The following ZNRF3 variants were observed in gnomAD, a reference collection of about 807,000 sequenced individuals.
The protein encoded by ZNRF3 is zinc and ring finger 3.
A neutral mutation model predicts 72.5 loss-of-function variants in ZNRF3; 23 were observed. That is an observed-to-expected ratio of 0.32 (90% CI 0.23 to 0.45). The LOEUF (loss-of-function observed/expected upper bound fraction) is 0.45, where lower values mean the gene tolerates loss of function less well. Ranked by LOEUF, ZNRF3 falls within the 20% of genes least tolerant of loss-of-function variation. The pLI is 1.00. For missense variants in ZNRF3, 1,169 were observed against 1,272.1 expected, an observed-to-expected ratio of 0.92 and a Z score of 1.23; for synonymous variants, 610 against 545.3, an observed-to-expected ratio of 1.12 and a Z score of -1.65.
chr22:29,021,776 C>T (rs771532455), intron 2 of ZNRF3, among the ~76,000 whole-genome samples: 1 of 152,174 alleles, frequency 6.6e-6, no homozygotes, highest in Non-Finnish European at 1.5e-5. Context: ...GCGTAAGCCA[C>T]CGTGCCCGGC....
Position 28,883,693 on chromosome 22 carries a change from C to T in ZNRF3, c.-74C>T, listed in dbSNP as rs910072516. Reference sequence around the variant, plus strand: ...CGTGATGGGGCTGTGAGGCGTCCGCCCGCGTTCGGTCCTCAGCCGGCCCGC... The same window carrying T: ...CGTGATGGGGCTGTGAGGCGTCCGCTCGCGTTCGGTCCTCAGCCGGCCCGC... On this transcript the variant is annotated 5_prime_UTR_variant, in exon 1 of 9. Coordinates refer to ENST00000544604, the MANE Select transcript of ZNRF3 (RefSeq NM_001206998.2). This position sits in a 1 kb window ranked among gnomAD's most constrained non-coding sequence, Gnocchi z 5.5. 2 of 982,626 alleles carry T rather than the reference C, an allele frequency of 2.0e-6. No homozygotes were observed. The highest frequency in any genetic ancestry group is 1.1e-4 in the East Asian group (1 of 8,736). 60.9% of individuals were successfully genotyped at this position (982,626 alleles called of 1,614,324 possible).
intron 2 of ZNRF3, among the ~76,000 whole-genome samples, chr22:29,001,690 C>G (rs1002534967): frequency 3.9e-5 from 6 of 152,068 alleles, no homozygotes; most frequent in Non-Finnish European, 7.4e-5. Context: ...CCAGGCTGGT[C>G]TCGAACTCCT....
chr22:28,903,904 A>G (rs1259764283), intron 1 of ZNRF3, among the ~76,000 whole-genome samples: 1 of 152,144 alleles, frequency 6.6e-6, no homozygotes, highest in Non-Finnish European at 1.5e-5. Context: ...AGTGTGTCTG[A>G]GAGGCTCAGC....
chr22:28,915,522 C>T (rs1411635849), intron 1 of ZNRF3, among the ~76,000 whole-genome samples: 2 of 152,176 alleles, frequency 1.3e-5, no homozygotes, highest in Non-Finnish European at 2.9e-5. Flanking sequence ...CTCCAGATTT[C>T]TGAAGGTGAT....
intron 1 of ZNRF3, among the ~76,000 whole-genome samples, chr22:28,949,459 T>A (rs2035116232): frequency 6.6e-6 from 1 of 152,042 alleles, no homozygotes. Context: ...ATTTTTTTTT[T>A]ATACTGATGG....
chr22:28,908,244 T>A (rs59677997), intron 1 of ZNRF3, among the ~76,000 whole-genome samples: 2,545 of 152,160 alleles, frequency 0.017, 73 homozygotes, highest in African/African-American at 0.059. Flanking sequence ...CTCCATAAGG[T>A]GATTGAGAAT....
At position 29,044,822 on chromosome 22, in the gene ZNRF3, T is replaced by G. The variant is rs1422740202; in HGVS notation, c.676T>G (p.Phe226Val). 6.2e-7 allele frequency: 1 copy of G among 1,614,062 alleles called. No homozygotes were observed. Among genetic ancestry groups the G allele is most frequent in the Non-Finnish European group, 8.5e-7 (1 of 1,180,036 alleles). ...YFDMGIFLAF[F>V]VVVSLVCLIL... is the part of the protein sequence containing the mutation. Reference sequence around the variant, plus strand: ...TGACATGGGGATTTTCCTGGCTTTCTTCGTCGTGGTCTCCTTGGTCTGCCT... The same window carrying G: ...TGACATGGGGATTTTCCTGGCTTTCGTCGTCGTGGTCTCCTTGGTCTGCCT... Residue 226 changes from phenylalanine to valine, a missense_variant, in exon 5 of 9, where the codon TTC becomes GTC. Physicochemically the swap from Phe to Val is conservative, Grantham distance 50. This residue lies in a region of ZNRF3 where 386 missense variants were observed against 540.7 expected (regional missense o/e 0.71). Transcript: ENST00000544604.
chr22:28,983,598 C>A (rs2035804632), intron 1 of ZNRF3, among the ~76,000 whole-genome samples: 1 of 152,200 alleles, frequency 6.6e-6, no homozygotes. Flanking sequence ...CTCGACTGTC[C>A]CTCCATTTCT....
intron 6 of ZNRF3, among the ~76,000 whole-genome samples, chr22:29,047,293 C>T (rs769640653): frequency 2.0e-5 from 3 of 152,152 alleles, no homozygotes; most frequent in Non-Finnish European, 2.9e-5. Flanking sequence ...AAGACTAGTA[C>T]CATAGACGAT....
At chr22:28,917,505 A>C (rs2034430211) in intron 1 of ZNRF3, 3 of 950,530 alleles carry the variant, frequency 3.2e-6, no homozygotes, top group East Asian at 2.3e-4. Flanking sequence ...GTTAAATCTA[A>C]ATTTGGGTAA....
chr22:29,049,158 C>T lies in ZNRF3; in HGVS notation c.1016-39C>T. On this transcript the variant is annotated intron_variant, in intron 7 of 8. Transcript: ENST00000544604. The surrounding 1 kb of genome is among the most constrained non-coding windows in gnomAD (Gnocchi z 5.2). The stretch of plus-strand genomic sequence containing the variant: ...CCCTTTAGCCTCTGACACCAGTATG[C>T]TCAGCCCTGCCTACTCTGTTTCCTC... 1 of 1,546,564 alleles carries T rather than the reference C, an allele frequency of 6.5e-7. No individual in the cohort carries two copies. The highest frequency in any genetic ancestry group is 8.7e-7 in the Non-Finnish European group (1 of 1,144,584).
At chr22:28,971,747 T>G in intron 1 of ZNRF3, among the ~76,000 whole-genome samples, 1 of 152,122 alleles carries the variant, frequency 6.6e-6, no homozygotes, top group Admixed American at 6.5e-5. Flanking sequence ...TGTCTGTCAT[T>G]CAGGCTGGAG....
rs181144289 is a variant in ZNRF3 at position 28,932,429 on chromosome 22, G to A, written c.300+48363G>A. On this transcript the variant is annotated intron_variant, in intron 1 of 8. Coordinates refer to ENST00000544604, the MANE Select transcript of ZNRF3 (RefSeq NM_001206998.2). ...CTTTTCCTGGTGCCTGCTGCCTTTG[G>A]AGTGAGTGCAAAATGTCCATTTTGC... 3.9e-5 allele frequency among the ~76,000 whole-genome samples: 6 copies of A among 152,292 alleles called. No individual in the cohort carries two copies. The East Asian group carries it at 1.2e-3, about 29-fold the overall frequency.
intron 2 of ZNRF3, among the ~76,000 whole-genome samples, chr22:28,992,157 C>T (rs1229166569): frequency 6.6e-6 from 1 of 150,738 alleles, no homozygotes; most frequent in African/African-American, 2.4e-5. Flanking sequence ...TATCTCTCTC[C>T]CTCTTCCCCC....
At chr22:28,993,649 G>T (rs1234754013) in intron 2 of ZNRF3, among the ~76,000 whole-genome samples, 6 of 152,134 alleles carry the variant, frequency 3.9e-5, no homozygotes, top group African/African-American at 1.4e-4. Context: ...TTAAGACTTG[G>T]GTTTAGTCAT....
intron 1 of ZNRF3, among the ~76,000 whole-genome samples, chr22:28,898,182 G>C (rs562061982): frequency 3.9e-5 from 6 of 151,982 alleles, no homozygotes; most frequent in African/African-American, 1.5e-4. Context: ...TCCTAAGCTC[G>C]GGTGATCTAT....
At chr22:29,046,615 G>T (rs769307225) in intron 5 of ZNRF3, 101 bp from the exon 6 acceptor site, 1 of 1,291,674 alleles carries the variant, frequency 7.7e-7, no homozygotes, top group East Asian at 2.6e-5. Flanking sequence ...GCATGATAGA[G>T]AATTGTCTGC....
intron 2 of ZNRF3, among the ~76,000 whole-genome samples, chr22:29,041,403 A>G (rs2036959687): frequency 6.6e-6 from 1 of 151,992 alleles, no homozygotes; most frequent in Non-Finnish European, 1.5e-5. Context: ...TTGTTTTTCC[A>G]CAGCTTCTGC....
chr22:28,971,803 C>T (rs987516048), intron 1 of ZNRF3, among the ~76,000 whole-genome samples: 26 of 152,134 alleles, frequency 1.7e-4, no homozygotes, highest in African/African-American at 6.0e-4. Context: ...AACTCCTGGG[C>T]ATAAGCAATC....
Sources: allele counts gnomAD v4.1 joint callset (sites outside exome capture counted in the v4.1 genomes callset), GRCh38; gene constraint gnomAD v4.1.1; regional missense constraint gnomAD v4.1.1; non-coding constraint Gnocchi (gnomAD v3.1); transcripts MANE v1.5; gene names NCBI Gene and HGNC (gene_info 2026-07-23, HGNC 2026-07-21).